Variants in RALYL observed in about 807,000 individuals in gnomAD.
The protein encoded by RALYL is RALY RNA binding protein like.
In RALYL, 29 loss-of-function variants were observed where a neutral mutation model predicts 35.1. The observed-to-expected ratio is 0.83, with a 90% confidence interval of 0.61 to 1.13. The LOEUF is 1.13. Among genes scored for constraint, RALYL ranks in the 50% most tolerant of loss-of-function variants. The pLI is 0.00. For missense variants in RALYL, 359 were observed against 360.4 expected (o/e 1.00, Z 0.03); for synonymous variants, 120 against 127.6 (o/e 0.94, Z 0.40).
intron 2 of RALYL, among the ~76,000 whole-genome samples, chr8:84,560,299 A>G (rs1564146522): frequency 6.6e-6 from 1 of 152,008 alleles, no homozygotes; most frequent in Non-Finnish European, 1.5e-5. Flanking sequence ...AAAAGAGACA[A>G]TTTCTCAAAA....
intron 2 of RALYL, among the ~76,000 whole-genome samples, chr8:84,688,746 G>T (rs1181329809): frequency 6.6e-6 from 1 of 152,060 alleles, no homozygotes; most frequent in African/African-American, 2.4e-5. Context: ...AAACTAAGAA[G>T]CTTTTTCACA....
At chr8:84,888,512 G>C (rs1044908202) in intron 8 of RALYL, among the ~76,000 whole-genome samples, 1 of 152,084 alleles carries the variant, frequency 6.6e-6, no homozygotes, top group Non-Finnish European at 1.5e-5. Context: ...GGGCAAATGT[G>C]GGTATATATG....
intron 2 of RALYL, among the ~76,000 whole-genome samples, chr8:84,761,007 A>G (rs1167552531): frequency 6.6e-6 from 1 of 152,094 alleles, no homozygotes; most frequent in Non-Finnish European, 1.5e-5. Flanking sequence ...ATATGTTAAA[A>G]GCACTCTGTG....
chr8:84,588,855 G>GT (rs1014214920), intron 2 of RALYL, among the ~76,000 whole-genome samples: 2 of 151,882 alleles, frequency 1.3e-5, no homozygotes, highest in Non-Finnish European at 2.9e-5. Flanking sequence ...GAAGAGAGGT[G>GT]TTTTTTGTTT....
intron 1 of RALYL, among the ~76,000 whole-genome samples, chr8:84,369,815 C>A (rs1437775235): frequency 6.6e-6 from 1 of 151,992 alleles, no homozygotes; most frequent in African/African-American, 2.4e-5. Context: ...TATAGCAAAC[C>A]ATTAAAAATT....
At chr8:84,382,618 G>C (rs977110055) in intron 1 of RALYL, among the ~76,000 whole-genome samples, 4 of 151,568 alleles carry the variant, frequency 2.6e-5, no homozygotes, top group Non-Finnish European at 5.9e-5. Flanking sequence ...AAAATTAAAT[G>C]ATGTTAGCCC....
chr8:84,390,596 T>C (rs1285347472), intron 1 of RALYL, among the ~76,000 whole-genome samples: 1 of 152,150 alleles, frequency 6.6e-6, no homozygotes, highest in Admixed American at 6.6e-5. Flanking sequence ...GAGGAATTTA[T>C]CCATTTCTTC....
intron 1 of RALYL, among the ~76,000 whole-genome samples, chr8:84,506,839 G>A (rs991272732): frequency 6.6e-6 from 1 of 151,768 alleles, no homozygotes; most frequent in Non-Finnish European, 1.5e-5. Context: ...AAGCAACTGT[G>A]CACTTTAAAT....
intron 1 of RALYL, among the ~76,000 whole-genome samples, chr8:84,231,640 T>A (rs547155086): frequency 3.9e-5 from 6 of 152,252 alleles, no homozygotes; most frequent in Admixed American, 3.9e-4. Flanking sequence ...TTGGGTTAGA[T>A]GAACCTAAGA....
intron 7 of RALYL, among the ~76,000 whole-genome samples, chr8:84,879,485 A>G (rs865809771): frequency 6.6e-6 from 1 of 152,146 alleles, no homozygotes; most frequent in African/African-American, 2.4e-5. Context: ...CTCTAGAGAG[A>G]TGGGAAGTGA....
chr8:84,647,074 A>C (rs1234354449), intron 2 of RALYL, among the ~76,000 whole-genome samples: 1 of 151,960 alleles, frequency 6.6e-6, no homozygotes, highest in African/African-American at 2.4e-5. Context: ...TTGGTTTTAT[A>C]GTTTTTTGGG....
chr8:84,379,164 A>G (rs948295369), intron 1 of RALYL, among the ~76,000 whole-genome samples: 18 of 151,960 alleles, frequency 1.2e-4, no homozygotes, highest in Admixed American at 1.1e-3. Context: ...ATTGTCTCCA[A>G]GGGTTATAAT....
At position 84,875,692 on chromosome 8, in the gene RALYL, G is replaced by GA. The variant is rs1330058499; in HGVS notation, c.685+2302dup. ...ATATATTTTACTATATTTTCTTCAC[G>GA]AAAAAAATCAGGTTTGCTTGGAAAG... On this transcript the variant is annotated intron_variant, in intron 7 of 8. Coordinates refer to ENST00000521268, the MANE Select transcript of RALYL (RefSeq NM_173848.7). Among the ~76,000 whole-genome samples, 5 of 151,780 alleles carry GA rather than the reference G, an allele frequency of 3.3e-5. 1 individual carries two copies. The East Asian group carries it at 5.8e-4, about 18-fold the overall frequency.
At chr8:84,382,398 A>C (rs1376413942) in intron 1 of RALYL, among the ~76,000 whole-genome samples, 1 of 151,850 alleles carries the variant, frequency 6.6e-6, no homozygotes, top group East Asian at 1.9e-4. Flanking sequence ...ACTGATGCAT[A>C]AAGAAAATGC....
intron 1 of RALYL, among the ~76,000 whole-genome samples, chr8:84,466,694 A>G (rs1211683043): frequency 6.6e-6 from 1 of 151,932 alleles, no homozygotes; most frequent in Non-Finnish European, 1.5e-5. Context: ...TTTTCTATTG[A>G]TTAGAATAGT....
chr8:84,320,745 T>C (rs989186598), intron 1 of RALYL, among the ~76,000 whole-genome samples: 1 of 152,118 alleles, frequency 6.6e-6, no homozygotes, highest in Non-Finnish European at 1.5e-5. Flanking sequence ...GGTACTTTAT[T>C]AATTTTTCTG....
At chr8:84,253,899 T>A (rs896935638) in intron 1 of RALYL, among the ~76,000 whole-genome samples, 1 of 152,186 alleles carries the variant, frequency 6.6e-6, no homozygotes, top group Non-Finnish European at 1.5e-5. Context: ...GACATACTAT[T>A]GCCTCTCCAC....
At chr8:84,294,838 G>T (rs1839460789) in intron 1 of RALYL, among the ~76,000 whole-genome samples, 1 of 152,048 alleles carries the variant, frequency 6.6e-6, no homozygotes, top group Non-Finnish European at 1.5e-5. Context: ...GAAGCTGTAG[G>T]TGGGCAACCT....
intron 2 of RALYL, among the ~76,000 whole-genome samples, chr8:84,620,310 T>C (rs974719179): frequency 8.5e-5 from 13 of 152,180 alleles, no homozygotes; most frequent in African/African-American, 3.1e-4. Context: ...TTACTTTTTC[T>C]CTAAACTTCC....
Sources: allele counts gnomAD v4.1 joint callset (sites outside exome capture counted in the v4.1 genomes callset), GRCh38; gene constraint gnomAD v4.1.1; transcripts MANE v1.5; gene names NCBI Gene and HGNC (gene_info 2026-07-23, HGNC 2026-07-21).